The following CLIP4 variants were observed in gnomAD, a reference collection of about 807,000 sequenced individuals.
The protein encoded by CLIP4 is CAP-Gly domain-containing linker protein 4.
CLIP4 carries 47 observed loss-of-function variants against 73.1 expected under a neutral mutation model. The ratio of observed to expected loss-of-function variants is 0.64; its 90% confidence interval spans 0.51 to 0.82. The LOEUF is 0.82. Ranked by LOEUF, CLIP4 falls within the 40% of genes least tolerant of loss-of-function variation. The pLI is 0.00. For missense variants in CLIP4, 874 were observed against 852.9 expected, an observed-to-expected ratio of 1.02 and a Z score of -0.31; for synonymous variants, 306 against 295.4, an observed-to-expected ratio of 1.04 and a Z score of -0.37.
At chr2:29,152,380 G>A (rs3100237) in intron 8 of CLIP4, among the ~76,000 whole-genome samples, 62,924 of 151,544 alleles carry the variant, frequency 0.42, 14,824 homozygotes, top group Non-Finnish European at 0.55. Flanking sequence ...AAAAGTTACC[G>A]TAAAGGTTAA....
At chr2:29,174,206 C>A (rs1434463322) in intron 14 of CLIP4, among the ~76,000 whole-genome samples, 167 bp from the exon 15 acceptor site, 1 of 152,062 alleles carries the variant, frequency 6.6e-6, no homozygotes, top group Non-Finnish European at 1.5e-5. Flanking sequence ...TCCCACTAGG[C>A]CTCCCAAAGT....
rs573067785 is a variant in CLIP4, at chr2:29,100,323, CAG to C, written c.-16+2377_-16+2378del. 6.4e-4 allele frequency among the ~76,000 whole-genome samples: 98 copies of C among 152,042 alleles called. 1 individual carries two copies. Among genetic ancestry groups the C allele is most frequent in the African/African-American group, 2.3e-3 (95 of 41,476 alleles). On this transcript the variant is annotated intron_variant, in intron 1 of 14. Coordinates refer to the CLIP4 transcript ENST00000401605. Reference sequence around the variant, plus strand: ...TCTGTCTCTTGAAAGAGAAAATACTCAGGGTTTGGAAAAAAATATGAAATTAA... The same window carrying C: ...TCTGTCTCTTGAAAGAGAAAATACTCGGTTTGGAAAAAAATATGAAATTAA...
chr2:29,157,468 T>A, intron 11 of CLIP4, 121 bp downstream of exon 11: 1 of 1,516,642 alleles, frequency 6.6e-7, no homozygotes, highest in Non-Finnish European at 9.1e-7. Context: ...TTGAACTACT[T>A]TTACTCTTCC....
intron 11 of CLIP4, among the ~76,000 whole-genome samples, chr2:29,157,764 G>T (rs1400672981): frequency 6.6e-6 from 1 of 152,180 alleles, no homozygotes; most frequent in Non-Finnish European, 1.5e-5. Context: ...TTAACTAGCC[G>T]TGAACCTGCA....
intron 1 of CLIP4, chr2:29,118,234 C>T (rs1655303549): frequency 6.6e-6 from 1 of 152,204 alleles, no homozygotes; most frequent in Non-Finnish European, 1.5e-5. Context: ...AGTCTCCTGG[C>T]TTCAGTAAGG....
intron 8 of CLIP4, among the ~76,000 whole-genome samples, chr2:29,150,622 A>G (rs1051007532): frequency 6.7e-6 from 1 of 149,728 alleles, no homozygotes; most frequent in African/African-American, 2.5e-5. Flanking sequence ...CAAATACATA[A>G]CTTAATTTTT....
In CLIP4 at chr2:29,107,358, G is replaced by GTTTTTTTTTTTTTTTTTTTTTTT. The variant is rs796180363; in HGVS notation, c.-16+9420_-16+9442dup. 1.1e-4 allele frequency among the ~76,000 whole-genome samples: 7 copies of GTTTTTTTTTTTTTTTTTTTTTTT among 65,360 alleles called. 1 individual carries two copies. Among genetic ancestry groups the GTTTTTTTTTTTTTTTTTTTTTTT allele is most frequent in the Non-Finnish European group, 8.9e-5 (3 of 33,604 alleles). 42.9% of individuals were successfully genotyped at this position (65,360 alleles called of 152,430 possible). On this transcript the variant is annotated intron_variant, in intron 1 of 14. Coordinates refer to the CLIP4 transcript ENST00000401605. ...ATTTCTAAATTCCTGGAACATGATA[G>GTTTTTTTTTTTTTTTTTTTTTTT]TTTTTTTTTTTTTTTTTTTTTTTTT...
chr2:29,102,974 T>C lies in CLIP4; in HGVS notation c.-16+5027T>C, dbSNP rs910023079. ...AGGACCTCAGCACCCTCCCTAAAAC[T>C]CCCCCATATATTCTGCATCAAGTCT... is the stretch of plus-strand genomic sequence containing the variant. On this transcript the variant is annotated intron_variant, in intron 1 of 14. Coordinates refer to the CLIP4 transcript ENST00000401605. 8.0e-4 allele frequency among the ~76,000 whole-genome samples: 121 copies of C among 151,896 alleles called. 1 individual carries two copies. The highest frequency in any genetic ancestry group is 2.1e-4 in the Non-Finnish European group (14 of 67,966).
rs759275332 is a variant in CLIP4 at position 29,160,305 on chromosome 2, C to T, written c.1400-28C>T. On this transcript the variant is annotated intron_variant, in intron 11 of 15. Transcript: ENST00000320081. ...TTTTTTCTCCTCTTTTCCTGCCCTG[C>T]CCCTGTATCCCTCCCTGACTTAAAC... 5 of 1,613,754 alleles carry T rather than the reference C, an allele frequency of 3.1e-6. No individual in the cohort carries two copies. The Admixed American group carries it at 5.0e-5, about 16-fold the overall frequency.
intron 13 of CLIP4, among the ~76,000 whole-genome samples, chr2:29,166,050 G>A (rs563904498): frequency 1.3e-5 from 2 of 151,222 alleles, no homozygotes; most frequent in South Asian, 2.1e-4. Flanking sequence ...TCTTCTGATT[G>A]TCTCATTCAT....
At chr2:29,139,276 TA>T (rs1259710849) in intron 6 of CLIP4, among the ~76,000 whole-genome samples, 1 of 152,182 alleles carries the variant, frequency 6.6e-6, no homozygotes, top group Non-Finnish European at 1.5e-5. Flanking sequence ...CTACAGTTTT[TA>T]ATTTTGTTTA....
At chr2:29,119,285 C>T (rs554606385) in intron 1 of CLIP4, among the ~76,000 whole-genome samples, 1 of 152,308 alleles carries the variant, frequency 6.6e-6, no homozygotes, top group Admixed American at 6.5e-5. Flanking sequence ...GTGTAACACA[C>T]TATTCTAGCT....
At chr2:29,180,860 G>A (rs1266438654) in intron 15 of CLIP4, among the ~76,000 whole-genome samples, 1 of 146,470 alleles carries the variant, frequency 6.8e-6, no homozygotes, top group Non-Finnish European at 1.5e-5. Context: ...GTGTGTGTGT[G>A]TACACATGTA....
At chr2:29,171,846 C>A (rs2148094933) in intron 14 of CLIP4, among the ~76,000 whole-genome samples, 1 of 152,060 alleles carries the variant, frequency 6.6e-6, no homozygotes, top group Admixed American at 6.5e-5. Context: ...AAAAATCTGA[C>A]AATCTTTCTT....
At chr2:29,102,846 G>A (rs928980242) in intron 1 of CLIP4, among the ~76,000 whole-genome samples, 25 of 152,056 alleles carry the variant, frequency 1.6e-4, no homozygotes, top group Non-Finnish European at 1.8e-4. Flanking sequence ...GGCTGGTCAC[G>A]AACTCAAGTG....
chr2:29,138,434 G>T (rs185865054), intron 6 of CLIP4, among the ~76,000 whole-genome samples: 2 of 149,586 alleles, frequency 1.3e-5, no homozygotes, highest in Admixed American at 6.7e-5. Context: ...GTCAGGTAAT[G>T]TGATGCCTCT....
chr2:29,111,442 T>C (rs1668384736), upstream of CLIP4, among the ~76,000 whole-genome samples: 2 of 152,218 alleles, frequency 1.3e-5, no homozygotes, highest in African/African-American at 4.8e-5. Context: ...TTTCCTTCCC[T>C]GGGGAGCGGG....
intron 2 of CLIP4, among the ~76,000 whole-genome samples, chr2:29,127,510 C>T (rs925215443): frequency 1.3e-5 from 2 of 152,106 alleles, no homozygotes; most frequent in African/African-American, 4.8e-5. Context: ...AAAAGGCATT[C>T]TTTAACTCTA....
chr2:29,169,516 G>C (rs1359537989), intron 14 of CLIP4, among the ~76,000 whole-genome samples: 1 of 152,170 alleles, frequency 6.6e-6, no homozygotes, highest in African/African-American at 2.4e-5. Flanking sequence ...TGAAATGCCA[G>C]GAGGTTAGGA....
Sources: gnomAD v4.1 joint callset for allele counts (sites outside exome capture counted in the v4.1 genomes callset) on GRCh38, gnomAD v4.1.1 for gene constraint, MANE v1.5 for transcripts, NCBI Gene and HGNC (gene_info 2026-07-23, HGNC 2026-07-21) for gene names.